Variants in SFSWAP observed in about 807,000 individuals in gnomAD.
The protein encoded by SFSWAP is splicing factor SWAP.
In SFSWAP, 17 loss-of-function variants were observed where a neutral mutation model predicts 100.7. The ratio of observed to expected loss-of-function variants is 0.17; its 90% confidence interval spans 0.12 to 0.25. The LOEUF (loss-of-function observed/expected upper bound fraction) is 0.25, where lower values mean the gene tolerates loss of function less well. SFSWAP is among the 10% of genes least tolerant of loss of function. SFSWAP has a pLI of 1.00. For missense variants in SFSWAP, 1,005 were observed against 1,262.6 expected (o/e 0.80, Z 3.09); for synonymous variants, 504 against 510.1 (o/e 0.99, Z 0.16).
chr12:131,756,377 C>G, intron 10 of SFSWAP, 96 bp from the exon 11 acceptor site: 2 of 1,058,070 alleles, frequency 1.9e-6, no homozygotes, highest in Non-Finnish European at 2.8e-6. Flanking sequence ...GTACAATTGC[C>G]GTTGTCCAGT....
intron 16 of SFSWAP, 56 bp from the exon 17 acceptor site, chr12:131,798,981 C>T: frequency 7.3e-7 from 1 of 1,376,580 alleles, no homozygotes; most frequent in Non-Finnish European, 1.0e-6. Context: ...GTTCACTGGC[C>T]TTGGCTCAGC....
At chr12:131,790,910 A>G (rs1389273392) in intron 15 of SFSWAP, among the ~76,000 whole-genome samples, 3 of 152,256 alleles carry the variant, frequency 2.0e-5, no homozygotes, top group Non-Finnish European at 4.4e-5. Context: ...AAAAGCCAAT[A>G]GCAGATATAA....
intron 15 of SFSWAP, chr12:131,796,475 CAG>C (rs779502798): frequency 1.3e-5 from 2 of 152,516 alleles, no homozygotes; most frequent in African/African-American, 4.8e-5. Flanking sequence ...AGCAAGGGGA[CAG>C]GGGACAGCAG....
At chr12:131,791,565 A>G (rs1032145339) in intron 15 of SFSWAP, among the ~76,000 whole-genome samples, 3 of 152,032 alleles carry the variant, frequency 2.0e-5, no homozygotes, top group African/African-American at 7.2e-5. Flanking sequence ...AGTCTGGCCA[A>G]CATAGTGAAA....
At chr12:131,727,602 A>G (rs543548164) in intron 6 of SFSWAP, among the ~76,000 whole-genome samples, 3 of 152,328 alleles carry the variant, frequency 2.0e-5, no homozygotes, top group East Asian at 1.9e-4. Flanking sequence ...CCAAGATCAC[A>G]CTACTGCACG....
At chr12:131,777,998 T>G (rs1884161134) in intron 13 of SFSWAP, 67 bp from the exon 14 acceptor site, 3 of 1,549,912 alleles carry the variant, frequency 1.9e-6, no homozygotes, top group Non-Finnish European at 2.6e-6. Flanking sequence ...AAGTTGAAAT[T>G]TTATAGATAT....
chr12:131,736,735 C>T (rs556307274), intron 7 of SFSWAP, among the ~76,000 whole-genome samples: 19 of 152,186 alleles, frequency 1.2e-4, no homozygotes, highest in Non-Finnish European at 1.6e-4. Flanking sequence ...TAGGAGAAGA[C>T]GGAGATTTCT....
chr12:131,756,024 A>C (rs1882126460), intron 10 of SFSWAP, among the ~76,000 whole-genome samples: 1 of 152,194 alleles, frequency 6.6e-6, no homozygotes, highest in African/African-American at 2.4e-5. Context: ...AGTTATATAG[A>C]CACCCTGACA....
At chr12:131,764,794 T>A in intron 12 of SFSWAP, 108 bp downstream of exon 12, 1 of 761,220 alleles carries the variant, frequency 1.3e-6, no homozygotes, top group Non-Finnish European at 2.1e-6. Flanking sequence ...CTGAAGCCTT[T>A]GGAAATCGAC....
At chr12:131,736,135 A>G (rs1174146408) in intron 7 of SFSWAP, among the ~76,000 whole-genome samples, 2 of 152,192 alleles carry the variant, frequency 1.3e-5, no homozygotes, top group African/African-American at 4.8e-5. Flanking sequence ...CAGGCCCTGC[A>G]GTGGGAAGGG....
intron 7 of SFSWAP, among the ~76,000 whole-genome samples, chr12:131,735,248 C>T (rs1429236949): frequency 2.6e-5 from 4 of 152,200 alleles, no homozygotes; most frequent in Non-Finnish European, 5.9e-5. Context: ...TACACGCCCG[C>T]GCCTGAAGAT....
rs1878916240 is a variant in SFSWAP at position 131,725,846 on chromosome 12, A to G, written c.832+216A>G. 6.6e-6 allele frequency among the ~76,000 whole-genome samples: 1 copy of G among 152,216 alleles called. No homozygotes were observed. The highest frequency in any genetic ancestry group is 2.4e-5 in the African/African-American group (1 of 41,458). On this transcript the variant is annotated intron_variant, in intron 5 of 17. Coordinates refer to ENST00000261674, the MANE Select transcript of SFSWAP (RefSeq NM_004592.4). The surrounding 1 kb of genome is among the most constrained non-coding windows in gnomAD (Gnocchi z 4.3). Reference sequence around the variant, plus strand: ...TTATTAAATCTTTGGTTAATATTTTATAGATAAATGAAATATAACTAAATA... The same window carrying G: ...TTATTAAATCTTTGGTTAATATTTTGTAGATAAATGAAATATAACTAAATA...
chr12:131,777,698 AGATCCCTGAG>A (rs1268843729), intron 13 of SFSWAP, among the ~76,000 whole-genome samples: 2 of 152,216 alleles, frequency 1.3e-5, no homozygotes, highest in African/African-American at 4.8e-5. Flanking sequence ...TTCTGGTTCT[AGATCCCTGAG>A]GAATGGCCAC....
intron 9 of SFSWAP, 142 bp downstream of exon 9, chr12:131,754,641 T>TG: frequency 8.3e-5 from 42 of 506,790 alleles, no homozygotes; most frequent in South Asian, 2.5e-4. Flanking sequence ...TTTTTTTTTT[T>TG]TTTTTTTTTT....
At chr12:131,796,064 G>GGGAA (rs1184105670) in intron 15 of SFSWAP, 16 of 131,906 alleles carry the variant, frequency 1.2e-4, no homozygotes, top group East Asian at 9.9e-4. Flanking sequence ...GGGGAGGGGA[G>GGGAA]GGAAGGAAGG....
intron 11 of SFSWAP, among the ~76,000 whole-genome samples, chr12:131,761,012 C>T (rs1356587826): frequency 6.6e-6 from 1 of 152,154 alleles, no homozygotes; most frequent in East Asian, 1.9e-4. Context: ...GTGGAAGTTG[C>T]AGTGAGCCTA....
chr12:131,745,873 G>T (rs1009291632), intron 7 of SFSWAP, among the ~76,000 whole-genome samples: 5 of 152,172 alleles, frequency 3.3e-5, no homozygotes, highest in Non-Finnish European at 5.9e-5. Context: ...AGCCTGCAGG[G>T]AATGGCGACT....
intron 7 of SFSWAP, among the ~76,000 whole-genome samples, chr12:131,735,712 G>GCCCT (rs1181074147): frequency 6.6e-6 from 1 of 152,220 alleles, no homozygotes; most frequent in African/African-American, 2.4e-5. Context: ...AGCGAGCAGA[G>GCCCT]CCCTGACTTC....
chr12:131,795,095 C>T (rs921559694), intron 15 of SFSWAP, among the ~76,000 whole-genome samples: 6 of 152,238 alleles, frequency 3.9e-5, no homozygotes, highest in Admixed American at 2.6e-4. Flanking sequence ...ATGACTCTTT[C>T]GTGCAGGTCC....
Sources: gnomAD v4.1 joint callset for allele counts (sites outside exome capture counted in the v4.1 genomes callset) on GRCh38, gnomAD v4.1.1 for gene constraint, Gnocchi (gnomAD v3.1) non-coding constraint, MANE v1.5 for transcripts, NCBI Gene and HGNC (gene_info 2026-07-23, HGNC 2026-07-21) for gene names.